The following PRKAR1B variants were observed in gnomAD, a reference collection of about 807,000 sequenced individuals.
PRKAR1B encodes protein kinase cAMP-dependent type I regulatory subunit beta.
PRKAR1B carries 22 observed loss-of-function variants against 46.5 expected under a neutral mutation model. The observed-to-expected ratio is 0.47, with a 90% CI of 0.34 to 0.68. The LOEUF is 0.68. PRKAR1B is among the 30% of genes least tolerant of loss of function. PRKAR1B has a pLI of 0.01. For synonymous variants in PRKAR1B, 259 were observed against 217.7 expected (o/e 1.19, Z -1.67); for missense variants, 445 against 535.6 (o/e 0.83, Z 1.67).
intron 2 of PRKAR1B, among the ~76,000 whole-genome samples, chr7:708,617 G>A (rs1320033484): frequency 1.3e-5 from 2 of 152,090 alleles, no homozygotes; most frequent in Non-Finnish European, 2.9e-5. Context: ...CTCCCAAGTA[G>A]TTGGGATTAC....
At chr7:601,561 T>C (rs1260525968) in intron 6 of PRKAR1B, among the ~76,000 whole-genome samples, 2 of 152,226 alleles carry the variant, frequency 1.3e-5, no homozygotes, top group Non-Finnish European at 2.9e-5. Context: ...TTACCCTGCA[T>C]GCGAAGGGCC....
intron 4 of PRKAR1B, among the ~76,000 whole-genome samples, chr7:625,400 T>C (rs1783330042): frequency 6.6e-6 from 1 of 152,028 alleles, no homozygotes; most frequent in South Asian, 2.1e-4. Context: ...AAAGTAAGAA[T>C]AAAAATTAAG....
chr7:589,030 G>A (rs1780831609), intron 7 of PRKAR1B, among the ~76,000 whole-genome samples: 1 of 151,264 alleles, frequency 6.6e-6, no homozygotes, highest in Non-Finnish European at 1.5e-5. Flanking sequence ...TGATTATAGT[G>A]CTGATGATGG....
chr7:657,311 GAGTGAACA>G (rs1389403947), intron 4 of PRKAR1B, among the ~76,000 whole-genome samples: 3 of 152,066 alleles, frequency 2.0e-5, no homozygotes, highest in Non-Finnish European at 2.9e-5. Flanking sequence ...ATGAATGAAT[GAGTGAACA>G]AATGAATGGA....
chr7:712,062 G>T (rs551545350), intron 1 of PRKAR1B, among the ~76,000 whole-genome samples: 7 of 151,556 alleles, frequency 4.6e-5, no homozygotes, highest in South Asian at 2.1e-4. Context: ...TGGCGGTGGT[G>T]GGGGGGTGGG....
chr7:679,023 G>T (rs1046537575), intron 3 of PRKAR1B, among the ~76,000 whole-genome samples: 1 of 152,222 alleles, frequency 6.6e-6, no homozygotes, highest in Non-Finnish European at 1.5e-5. Context: ...GGGAGGCAGA[G>T]GTTGTGGTGA....
chr7:727,035 C>T lies in PRKAR1B; in HGVS notation c.-23+175G>A, dbSNP rs1583467957. On this transcript the variant is annotated intron_variant, in intron 1 of 10. Transcript: ENST00000537384. ...TGCACCTGCTGGATCTGGGCCTGCG[C>T]CGCGCCGCGCGGCCCCGCGATGCCC... is the stretch of plus-strand genomic sequence containing the variant. 8.8e-7 allele frequency: 1 copy of T among 1,131,282 alleles called. No individual in the cohort carries two copies. 70.1% of individuals were successfully genotyped at this position (1,131,282 alleles called of 1,614,324 possible). A position where few individuals can be genotyped will look rare whatever the true frequency, so the allele number is the denominator to read the frequency against.
At chr7:580,904 A>C (rs559068125) in intron 8 of PRKAR1B, among the ~76,000 whole-genome samples, 1 of 152,194 alleles carries the variant, frequency 6.6e-6, no homozygotes, top group Non-Finnish European at 1.5e-5. Flanking sequence ...CGTAGGTTGC[A>C]AAGGAAAATG....
chr7:670,600 A>G (rs1220811220), intron 4 of PRKAR1B, among the ~76,000 whole-genome samples: 10 of 142,270 alleles, frequency 7.0e-5, no homozygotes, highest in South Asian at 2.3e-4. Context: ...ATGCCACAGC[A>G]TCCAGCAGAG....
intron 9 of PRKAR1B, among the ~76,000 whole-genome samples, chr7:572,275 C>G (rs1382687363): frequency 6.6e-6 from 1 of 152,222 alleles, no homozygotes; most frequent in African/African-American, 2.4e-5. Context: ...CCGCTCCAGT[C>G]TGCTGAGAAT....
rs113220730 is a variant in PRKAR1B at position 563,705 on chromosome 7, T to C, written c.892-12235A>G. On this transcript the variant is annotated intron_variant, in intron 9 of 10. Transcript: ENST00000537384. ...CATACATGCATGTCTGTGCGGTGTG[T>C]GCATGTGTGTGTGTGCATGGGTCTG... Among the ~76,000 whole-genome samples, 520 of 152,064 alleles carry C rather than the reference T, an allele frequency of 3.4e-3. 4 individuals carry two copies. The highest frequency in any genetic ancestry group is 0.012 in the African/African-American group (505 of 41,460).
rs1406927116 is a variant in PRKAR1B at position 584,489 on chromosome 7, C to T, written c.769+19G>A. Reference sequence around the variant, plus strand: ...CCAGATGTCGGGACACACAGCCGTGCAGGGGCGCAGCCACTGACCTAGGAT... The same window carrying T: ...CCAGATGTCGGGACACACAGCCGTGTAGGGGCGCAGCCACTGACCTAGGAT... On this transcript the variant is annotated intron_variant, in intron 8 of 10. Transcript: ENST00000537384. 6.2e-7 allele frequency: 1 copy of T among 1,612,176 alleles called. No homozygotes were observed. Among genetic ancestry groups the T allele is most frequent in the South Asian group, 1.1e-5 (1 of 90,964 alleles).
intron 8 of PRKAR1B, among the ~76,000 whole-genome samples, chr7:582,290 G>A (rs137864964): frequency 6.6e-5 from 10 of 152,386 alleles, no homozygotes; most frequent in South Asian, 6.2e-4. Flanking sequence ...AGAAAGCGGG[G>A]TCCCAGGAGC....
chr7:690,408 G>A (rs1421670260), intron 2 of PRKAR1B, among the ~76,000 whole-genome samples: 1 of 151,774 alleles, frequency 6.6e-6, no homozygotes, highest in Non-Finnish European at 1.5e-5. Context: ...TCAGCATCAC[G>A]CCGCATCCCC....
chr7:617,496 T>G (rs1468058225), intron 4 of PRKAR1B, among the ~76,000 whole-genome samples: 1 of 152,088 alleles, frequency 6.6e-6, no homozygotes, highest in Non-Finnish European at 1.5e-5. Flanking sequence ...AAAAGCAAGC[T>G]AATTTTTGGT....
At chr7:553,699 G>A (rs1033077862) in intron 9 of PRKAR1B, among the ~76,000 whole-genome samples, 1 of 152,092 alleles carries the variant, frequency 6.6e-6, no homozygotes, top group African/African-American at 2.4e-5. Context: ...CAGCCAGGCT[G>A]TACCTGGGTT....
Position 666,978 on chromosome 7 carries a change from A to G in PRKAR1B, c.440+10251T>C, listed in dbSNP as rs1337574133. On this transcript the variant is annotated intron_variant, in intron 4 of 10. Coordinates refer to ENST00000537384, the MANE Select transcript of PRKAR1B (RefSeq NM_001164760.2). The surrounding 1 kb of genome is among the most constrained non-coding windows in gnomAD (Gnocchi z 4.9). Reference sequence around the variant, plus strand: ...GATGGCGGTGATGATGATGATGGTGATGATAAAGATGATGATGGCAATGGT... The same window carrying G: ...GATGGCGGTGATGATGATGATGGTGGTGATAAAGATGATGATGGCAATGGT... Among the ~76,000 whole-genome samples, 2 of 152,094 alleles carry G rather than the reference A, an allele frequency of 1.3e-5. No homozygotes were observed.
chr7:685,331 TATATACGTATATATATGTATAC>T (rs1779005516), intron 2 of PRKAR1B, among the ~76,000 whole-genome samples: 1 of 91,016 alleles, frequency 1.1e-5, no homozygotes, highest in Non-Finnish European at 2.1e-5. Context: ...TATATACGTA[TATATACGTATATATATGTATAC>T]ATATATATAT....
At chr7:606,928 A>G (rs898222188) in intron 5 of PRKAR1B, among the ~76,000 whole-genome samples, 6 of 151,114 alleles carry the variant, frequency 4.0e-5, no homozygotes, top group African/African-American at 7.3e-5. Context: ...GTACACACAT[A>G]TGTGTGCACA....
Sources: gnomAD v4.1 joint callset for allele counts (sites outside exome capture counted in the v4.1 genomes callset) on GRCh38, gnomAD v4.1.1 for gene constraint, Gnocchi (gnomAD v3.1) non-coding constraint, MANE v1.5 for transcripts, NCBI Gene and HGNC (gene_info 2026-07-23, HGNC 2026-07-21) for gene names.